The following PLPPR5 variants were observed in gnomAD, a reference collection of about 807,000 sequenced individuals.
PLPPR5 encodes phospholipid phosphatase-related protein type 5.
PLPPR5 carries 16 observed loss-of-function variants against 33.9 expected under a neutral mutation model. The ratio of observed to expected loss-of-function variants is 0.47; its 90% CI spans 0.32 to 0.72. The LOEUF is 0.72. PLPPR5 is among the 30% of genes least tolerant of loss of function. The pLI is 0.03. For missense variants in PLPPR5, 301 were observed against 406.7 expected (o/e 0.74, Z 2.23); for synonymous variants, 163 against 150.3 (o/e 1.08, Z -0.62).
At position 98,948,095 on chromosome 1, in the gene PLPPR5, C is replaced by T. The variant is rs533824004; in HGVS notation, c.621+4975G>A. ...TTCTACTCCAGACACAATCCCTGAC[C>T]AGTCTCATGAAATCACCTGCTACAA... is the stretch of plus-strand genomic sequence containing the variant. On this transcript the variant is annotated intron_variant, in intron 3 of 5. Coordinates refer to ENST00000263177, the MANE Select transcript of PLPPR5 (RefSeq NM_001037317.2). 6.6e-5 allele frequency among the ~76,000 whole-genome samples: 10 copies of T among 152,262 alleles called. No homozygotes were observed. The South Asian group carries it at 2.1e-3, about 32-fold the overall frequency.
At chr1:98,895,679 G>T (rs1648445658) in intron 5 of PLPPR5, among the ~76,000 whole-genome samples, 1 of 151,984 alleles carries the variant, frequency 6.6e-6, no homozygotes, top group Non-Finnish European at 1.5e-5. Context: ...GGATTCTAGG[G>T]AAAACTCTTG....
intron 3 of PLPPR5, among the ~76,000 whole-genome samples, chr1:98,938,300 A>G (rs1466979007): frequency 6.6e-6 from 1 of 151,916 alleles, no homozygotes; most frequent in Non-Finnish European, 1.5e-5. Context: ...GTGTGAATGC[A>G]AAGTATAGTA....
chr1:98,979,351 T>C (rs1356692338), intron 1 of PLPPR5, among the ~76,000 whole-genome samples: 3 of 152,096 alleles, frequency 2.0e-5, no homozygotes, highest in East Asian at 3.9e-4. Flanking sequence ...GCAAGTCTAA[T>C]TTTTTAAGCC....
At chr1:99,004,024 C>G (rs1325677785) in intron 1 of PLPPR5, among the ~76,000 whole-genome samples, 1 of 152,198 alleles carries the variant, frequency 6.6e-6, no homozygotes, top group African/African-American at 2.4e-5. Flanking sequence ...CTCTCCTCGC[C>G]GGCCCGCCCG....
chr1:98,906,297 G>GTA (rs1429287872), intron 5 of PLPPR5, among the ~76,000 whole-genome samples: 7 of 150,328 alleles, frequency 4.7e-5, no homozygotes, highest in South Asian at 2.1e-4. Flanking sequence ...ACATATATAT[G>GTA]TATATATATA....
chr1:98,919,190 C>T (rs1649463599), intron 4 of PLPPR5, among the ~76,000 whole-genome samples: 1 of 152,104 alleles, frequency 6.6e-6, no homozygotes, highest in Non-Finnish European at 1.5e-5. Flanking sequence ...GCAATAATGT[C>T]TACAATTCAA....
At chr1:98,949,295 T>C (rs1174972718) in intron 3 of PLPPR5, among the ~76,000 whole-genome samples, 1 of 151,876 alleles carries the variant, frequency 6.6e-6, no homozygotes, top group Non-Finnish European at 1.5e-5. Context: ...TCCTGAAAAT[T>C]TTCAGTAAAG....
intron 1 of PLPPR5, among the ~76,000 whole-genome samples, chr1:98,995,314 G>C (rs897099537): frequency 1.3e-5 from 2 of 152,094 alleles, no homozygotes; most frequent in African/African-American, 4.8e-5. Context: ...CTACTTAAAG[G>C]TGAAGGGTGA....
At chr1:98,962,565 C>T in intron 1 of PLPPR5, among the ~76,000 whole-genome samples, 1 of 152,154 alleles carries the variant, frequency 6.6e-6, no homozygotes, top group Non-Finnish European at 1.5e-5. Flanking sequence ...CAGAACTTGC[C>T]TTTGTGCTTC....
intron 3 of PLPPR5, among the ~76,000 whole-genome samples, chr1:98,933,070 C>G (rs2101179413): frequency 6.6e-6 from 1 of 152,168 alleles, no homozygotes; most frequent in Admixed American, 6.5e-5. Context: ...TACCTCAAAA[C>G]AGATGGCTAC....
Position 99,004,643 on chromosome 1 carries a change from C to A in PLPPR5, c.29G>T (p.Ser10Ile), listed in dbSNP as rs746528987. 6.2e-7 allele frequency: 1 copy of A among 1,612,000 alleles called. No individual in the cohort carries two copies. Among genetic ancestry groups the A allele is most frequent in the Non-Finnish European group, 8.5e-7 (1 of 1,179,462 alleles). ...CACCATCTGGAAATAGAGCATGCTG[C>A]TGGTGAGCGCCGCGGGCAGCAGGGG... is the stretch of plus-strand genomic sequence containing the variant. MPLLPAALT[S>I]SMLYFQMVIM... Residue 10 changes from serine (S) to isoleucine (I), a missense_variant, in exon 1 of 6, where the codon AGC becomes ATC. Ser to Ile is a moderately radical substitution (Grantham distance 142). Coordinates refer to ENST00000263177, the MANE Select transcript of PLPPR5 (RefSeq NM_001037317.2).
At chr1:98,918,071 T>C (rs760261762) in intron 4 of PLPPR5, among the ~76,000 whole-genome samples, 12 of 152,182 alleles carry the variant, frequency 7.9e-5, no homozygotes, top group Non-Finnish European at 1.8e-4. Flanking sequence ...TCACTGCATA[T>C]ATATTTTCTT....
intron 3 of PLPPR5, among the ~76,000 whole-genome samples, chr1:98,923,043 A>G (rs1483216393): frequency 6.6e-6 from 1 of 152,124 alleles, no homozygotes; most frequent in Non-Finnish European, 1.5e-5. Flanking sequence ...TGTGTCAACT[A>G]AAAACAAAAC....
intron 1 of PLPPR5, among the ~76,000 whole-genome samples, chr1:98,957,555 C>A (rs1031193498): frequency 3.3e-5 from 5 of 151,776 alleles, no homozygotes; most frequent in Non-Finnish European, 5.9e-5. Flanking sequence ...ATTCTCCATG[C>A]AAATATTTTT....
chr1:98,934,630 A>G (rs1055393711), intron 3 of PLPPR5, among the ~76,000 whole-genome samples: 5 of 152,218 alleles, frequency 3.3e-5, no homozygotes, highest in Non-Finnish European at 7.3e-5. Context: ...CATATAAAAG[A>G]CAAGTAAGAA....
intron 1 of PLPPR5, among the ~76,000 whole-genome samples, chr1:98,958,859 C>A (rs985652298): frequency 1.3e-5 from 2 of 152,144 alleles, no homozygotes; most frequent in African/African-American, 4.8e-5. Context: ...CATGAGCTGA[C>A]CGGCTCTGCA....
intron 4 of PLPPR5, among the ~76,000 whole-genome samples, chr1:98,919,551 C>T (rs1216612652): frequency 6.6e-6 from 1 of 152,162 alleles, no homozygotes; most frequent in East Asian, 1.9e-4. Context: ...TGGGAATCAT[C>T]ATAGAAGGCT....
At chr1:99,002,804 T>C (rs983961336) in intron 1 of PLPPR5, among the ~76,000 whole-genome samples, 3 of 152,038 alleles carry the variant, frequency 2.0e-5, no homozygotes, top group Non-Finnish European at 4.4e-5. Context: ...TTATTGATTA[T>C]AGCTATGACC....
rs144944890 is a variant in PLPPR5 at position 98,906,162 on chromosome 1, GTA to G, written c.933+8622_933+8623del. ...TATACCTAGTATATACACAGTGTGT[GTA>G]TATATATATAGTGTGTGTGTATATA... On this transcript the variant is annotated intron_variant, in intron 5 of 5. Coordinates refer to ENST00000263177, the MANE Select transcript of PLPPR5 (RefSeq NM_001037317.2). 8.5e-3 allele frequency among the ~76,000 whole-genome samples: 1,284 copies of G among 150,310 alleles called. 30 individuals carry two copies. Among genetic ancestry groups the G allele is most frequent in the East Asian group, 0.053 (272 of 5,120 alleles).
Sources: gnomAD v4.1 joint callset for allele counts (sites outside exome capture counted in the v4.1 genomes callset) on GRCh38, gnomAD v4.1.1 for gene constraint, MANE v1.5 for transcripts, NCBI Gene and HGNC (gene_info 2026-07-23, HGNC 2026-07-21) for gene names.